The following PTPRT variants were observed in gnomAD, a reference collection of about 807,000 sequenced individuals.
PTPRT encodes the protein receptor-type tyrosine-protein phosphatase T.
Under a neutral mutation model 176.8 loss-of-function variants are expected in PTPRT, and 56 were observed. That is an observed-to-expected ratio of 0.32 (90% CI 0.26 to 0.40). The LOEUF (loss-of-function observed/expected upper bound fraction) is 0.40, where lower values mean the gene tolerates loss of function less well. PTPRT is among the 10% of genes least tolerant of loss of function. PTPRT has a pLI of 1.00. For missense variants in PTPRT, 1,540 were observed against 1,908.2 expected (o/e 0.81, Z 3.60); for synonymous variants, 783 against 739.0 (o/e 1.06, Z -0.96).
At chr20:42,986,420 T>C (rs945253544) in intron 1 of PTPRT, among the ~76,000 whole-genome samples, 1 of 152,172 alleles carries the variant, frequency 6.6e-6, no homozygotes, top group Non-Finnish European at 1.5e-5. Context: ...CTAAGCATTC[T>C]GGCATCTTCC....
At chr20:42,194,426 A>T (rs549415212) in intron 16 of PTPRT, among the ~76,000 whole-genome samples, 3 of 152,322 alleles carry the variant, frequency 2.0e-5, no homozygotes, top group Admixed American at 6.5e-5. Context: ...AACTCATGGT[A>T]CCCAGTAGGC....
At chr20:42,087,671 C>T (rs1331662432) in intron 27 of PTPRT, among the ~76,000 whole-genome samples, 39 of 150,410 alleles carry the variant, frequency 2.6e-4, no homozygotes, top group South Asian at 6.3e-4. Flanking sequence ...GTCAGGAGTT[C>T]GAGACCAGCT....
At chr20:42,690,512 C>T (rs1160887552) in intron 6 of PTPRT, among the ~76,000 whole-genome samples, 1 of 152,116 alleles carries the variant, frequency 6.6e-6, no homozygotes, top group African/African-American at 2.4e-5. Flanking sequence ...AGGAGCAAGG[C>T]ATATGGACCA....
chr20:42,102,517 C>T (rs1986042620), intron 25 of PTPRT, among the ~76,000 whole-genome samples: 1 of 152,164 alleles, frequency 6.6e-6, no homozygotes, highest in Non-Finnish European at 1.5e-5. Flanking sequence ...TTCAAAACGC[C>T]AAGGCTGCAG....
At chr20:42,102,029 T>G (rs1600511828) in intron 26 of PTPRT, 95 bp downstream of exon 26, 19 of 1,416,682 alleles carry the variant, frequency 1.3e-5, no homozygotes. Context: ...GGCTGGCTGG[T>G]GGGGTCAGGG....
At chr20:42,821,333 C>A (rs562931732) in intron 2 of PTPRT, among the ~76,000 whole-genome samples, 1 of 152,292 alleles carries the variant, frequency 6.6e-6, no homozygotes, top group South Asian at 2.1e-4. Context: ...TCAATAGGTA[C>A]AGAAAAGGCC....
At chr20:43,076,595 T>C (rs916071281) in intron 1 of PTPRT, among the ~76,000 whole-genome samples, 1 of 152,070 alleles carries the variant, frequency 6.6e-6, no homozygotes, top group African/African-American at 2.4e-5. Flanking sequence ...CCAAGCAACA[T>C]GTTCTCAACT....
intron 27 of PTPRT, among the ~76,000 whole-genome samples, chr20:42,087,530 A>G (rs1038944446): frequency 6.7e-6 from 1 of 148,592 alleles, no homozygotes; most frequent in African/African-American, 2.5e-5. Flanking sequence ...TACAGGTGTG[A>G]GCCACTGCAC....
chr20:42,893,800 G>A (rs1237372146), intron 1 of PTPRT, among the ~76,000 whole-genome samples: 7 of 147,196 alleles, frequency 4.8e-5, no homozygotes, highest in Non-Finnish European at 1.0e-4. Flanking sequence ...TCATAGATGG[G>A]AATTGAACAA....
At chr20:42,438,633 A>G (rs6102834) in intron 9 of PTPRT, among the ~76,000 whole-genome samples, 2,095 of 152,290 alleles carry the variant, frequency 0.014, 45 homozygotes, top group African/African-American at 0.048. Flanking sequence ...ACAAAAACAT[A>G]TGCTCATACA....
intron 13 of PTPRT, among the ~76,000 whole-genome samples, chr20:42,264,627 C>A (rs1181094403): frequency 6.6e-6 from 1 of 152,190 alleles, no homozygotes. Flanking sequence ...CCAACCAAAG[C>A]ACTGGTCAAG....
In PTPRT at chr20:42,106,805, A is replaced by G; in HGVS notation, c.3371T>C (p.Val1124Ala). ...NCVRELRAQR[V>A]NLVQTEEQYV... ...ACTCACCTCTGTCTGTACCAGGTTG[A>G]CCCTTTGGGCCCGGAGCTCACGCAC... is the stretch of plus-strand genomic sequence containing the variant. The change falls in exon 24 of 31, where the codon GTC becomes GCC. Residue 1124 changes from valine (V) to alanine (A), a missense_variant. Transcript: ENST00000373187. The G allele has an allele frequency of 6.2e-7, 1 of 1,613,928 alleles. No individual in the cohort carries two copies. Among genetic ancestry groups the G allele is most frequent in the Non-Finnish European group, 8.5e-7 (1 of 1,179,948 alleles).
chr20:42,110,501 G>A lies in PTPRT; in HGVS notation c.3100-14C>T, dbSNP rs762571342. The A allele has an allele frequency of 3.8e-6, 6 of 1,583,802 alleles. No individual in the cohort carries two copies. Among genetic ancestry groups the A allele is most frequent in the African/African-American group, 1.3e-5 (1 of 74,252 alleles). ...ATGGTAGCCTTTCTGAGGAAAGAAC[G>A]GGCCTCTGTTCTTCCAGCTGCTGCC... On this transcript the variant is annotated splice_polypyrimidine_tract_variant and intron_variant, in intron 22 of 30. Coordinates refer to ENST00000373187, the MANE Select transcript of PTPRT (RefSeq NM_007050.6).
intron 7 of PTPRT, among the ~76,000 whole-genome samples, chr20:42,489,584 T>C (rs1297925055): frequency 6.6e-6 from 1 of 152,136 alleles, no homozygotes; most frequent in African/African-American, 2.4e-5. Context: ...TTATTTTGTG[T>C]TCTTAGAAAA....
chr20:42,948,722 C>A (rs977720972), intron 1 of PTPRT, among the ~76,000 whole-genome samples: 2 of 152,118 alleles, frequency 1.3e-5, no homozygotes, highest in African/African-American at 4.8e-5. Flanking sequence ...GGACCCCACC[C>A]TAGAAGTTTC....
chr20:42,955,538 G>A (rs1433448590), intron 1 of PTPRT, among the ~76,000 whole-genome samples: 7 of 152,190 alleles, frequency 4.6e-5, no homozygotes, highest in East Asian at 1.9e-4. Context: ...GGGCATAACC[G>A]TAATTAGTAT....
chr20:42,426,647 C>T lies in PTPRT; in HGVS notation c.1560+21573G>A, dbSNP rs370641272. Among the ~76,000 whole-genome samples the T allele has an allele frequency of 1.1e-4, 17 of 152,334 alleles. No individual in the cohort carries two copies. The East Asian group carries it at 1.4e-3, about 12-fold the overall frequency. ...CCACTGAGGTTTTGGGAGTTGCAGA[C>T]ACCCACCCCTGGATGCTGCTGTGGG... On this transcript the variant is annotated intron_variant, in intron 9 of 30. Transcript: ENST00000373187.
In PTPRT at chr20:42,545,484, C is replaced by G. The variant is rs1254843496; in HGVS notation, c.1154-72922G>C. ...CCCACTATGGCGAGATTCTTTTTTT[C>G]CCAGGTACCATTTTGCTCAACCCAC... On this transcript the variant is annotated intron_variant, in intron 7 of 30. Coordinates refer to ENST00000373187, the MANE Select transcript of PTPRT (RefSeq NM_007050.6). 2.6e-5 allele frequency among the ~76,000 whole-genome samples: 4 copies of G among 152,076 alleles called. No individual in the cohort carries two copies. The East Asian group carries it at 7.7e-4, about 29-fold the overall frequency.
chr20:43,017,622 T>C (rs1985440602), intron 1 of PTPRT, among the ~76,000 whole-genome samples: 1 of 152,176 alleles, frequency 6.6e-6, no homozygotes, highest in South Asian at 2.1e-4. Context: ...GCCTGAGCAC[T>C]GCCAAGAGCA....
Sources: allele counts gnomAD v4.1 joint callset (sites outside exome capture counted in the v4.1 genomes callset), GRCh38; gene constraint gnomAD v4.1.1; transcripts MANE v1.5; gene names NCBI Gene and HGNC (gene_info 2026-07-23, HGNC 2026-07-21).